Variants in MBP observed in about 807,000 individuals in gnomAD.
The protein encoded by MBP is myelin basic protein, also known as Golli-MBP.
MBP carries 16 observed loss-of-function variants against 35.8 expected under a neutral mutation model. That is an observed-to-expected ratio of 0.45 (90% CI 0.30 to 0.68). MBP has a LOEUF of 0.68. MBP is among the 30% of genes least tolerant of loss of function. The pLI is 0.08. For synonymous variants in MBP, 143 were observed against 159.6 expected, an observed-to-expected ratio of 0.90 and a Z score of 0.78; for missense variants, 380 against 404.7, an observed-to-expected ratio of 0.94 and a Z score of 0.52.
chr18:77,008,422 G>T (rs1442565547), intron 4 of MBP, among the ~76,000 whole-genome samples: 1 of 152,150 alleles, frequency 6.6e-6, no homozygotes, highest in African/African-American at 2.4e-5. Flanking sequence ...CACCAAGAGA[G>T]CCCTCGAAAA....
chr18:77,013,534 A>G, intron 4 of MBP: 1 of 985,462 alleles, frequency 1.0e-6, no homozygotes, highest in African/African-American at 1.7e-5. Context: ...ATTCTGATGA[A>G]TTTACAGGAC....
At position 77,016,093 on chromosome 18, in the gene MBP, A is replaced by C. The variant is rs1044814837; in HGVS notation, c.576+739T>G. ...AGCGCTTTGATGAACCAGCAGCCAC[A>C]GGTTCTCCACTGACAATCAACTGCA... On this transcript the variant is annotated intron_variant, in intron 4 of 8. Coordinates refer to ENST00000355994, the MANE Select transcript of MBP (RefSeq NM_001025101.2). The C allele has an allele frequency of 5.1e-6, 5 of 985,150 alleles. No homozygotes were observed. In the African/African-American group the frequency reaches 8.7e-5, roughly 17 times the overall value. The allele number at this position is 985,150 out of a possible 1,614,324, so 61.0% of individuals were successfully genotyped here.
intron 1 of MBP, among the ~76,000 whole-genome samples, chr18:77,107,211 A>G (rs1976307422): frequency 6.6e-6 from 1 of 152,226 alleles, no homozygotes; most frequent in Non-Finnish European, 1.5e-5. Context: ...AGCTAAACAC[A>G]GGCAAAAACA....
chr18:76,997,885 T>C (rs1970390253), intron 4 of MBP, among the ~76,000 whole-genome samples: 1 of 151,986 alleles, frequency 6.6e-6, no homozygotes, highest in East Asian at 1.9e-4. Context: ...GGTTTCACTG[T>C]GTTAGCCAGG....
At chr18:77,045,042 T>C (rs985545258) in intron 3 of MBP, among the ~76,000 whole-genome samples, 1 of 152,002 alleles carries the variant, frequency 6.6e-6, no homozygotes, top group East Asian at 1.9e-4. Context: ...AGCGGATAGA[T>C]ACGATCTTGA....
chr18:77,105,915 A>G (rs1488488308), intron 1 of MBP, among the ~76,000 whole-genome samples: 1 of 152,224 alleles, frequency 6.6e-6, no homozygotes, highest in African/African-American at 2.4e-5. Flanking sequence ...CAGCACATTT[A>G]TGATTTTTCC....
At chr18:77,065,149 TTGC>T (rs1320631318) in intron 3 of MBP, among the ~76,000 whole-genome samples, 2 of 152,238 alleles carry the variant, frequency 1.3e-5, no homozygotes, top group African/African-American at 4.8e-5. Context: ...TCATTTTCTA[TTGC>T]TATAACTGAA....
rs60600826 is a variant in MBP at position 77,084,431 on chromosome 18, C to CACACACACACACACA, written c.52-18047_52-18046insTGTGTGTGTGTGTGT. Among the ~76,000 whole-genome samples, 925 of 105,954 alleles carry CACACACACACACACA rather than the reference C, an allele frequency of 8.7e-3. 48 individuals are homozygous for CACACACACACACACA. The highest frequency in any genetic ancestry group is 0.012 in the Non-Finnish European group (587 of 50,304). The allele number at this position is 105,954 out of a possible 152,430, so 69.5% of individuals were successfully genotyped here. A position where few individuals can be genotyped will look rare whatever the true frequency, so the allele number is the denominator to read the frequency against. Reference sequence around the variant, plus strand: ...ACACCGCCCCCCCCGCCACACCACACCACACACACACACACACACACACAC... The same window carrying CACACACACACACACA: ...ACACCGCCCCCCCCGCCACACCACACACACACACACACACACACACACACACACACACACACACAC... On this transcript the variant is annotated intron_variant, in intron 2 of 8. Coordinates refer to ENST00000355994, the MANE Select transcript of MBP (RefSeq NM_001025101.2).
At chr18:77,036,061 G>A (rs1272932379) in intron 3 of MBP, among the ~76,000 whole-genome samples, 5 of 152,202 alleles carry the variant, frequency 3.3e-5, no homozygotes, top group African/African-American at 4.8e-5. Context: ...ACATTTTGGA[G>A]ACAGAGCTGA....
At chr18:76,997,053 C>A (rs1970311843) in intron 4 of MBP, among the ~76,000 whole-genome samples, 1 of 152,180 alleles carries the variant, frequency 6.6e-6, no homozygotes, top group Non-Finnish European at 1.5e-5. Flanking sequence ...GAGCGTCCTC[C>A]CCCTCCAAAT....
At chr18:77,130,285 G>A (rs1185539966) in intron 1 of MBP, among the ~76,000 whole-genome samples, 1 of 152,018 alleles carries the variant, frequency 6.6e-6, no homozygotes, top group African/African-American at 2.4e-5. Context: ...TTCTCACCAC[G>A]GCGGTGCAGA....
At chr18:77,048,065 T>C (rs1181149183) in intron 3 of MBP, among the ~76,000 whole-genome samples, 1 of 152,234 alleles carries the variant, frequency 6.6e-6, no homozygotes, top group Non-Finnish European at 1.5e-5. Context: ...AACACTTAAA[T>C]GAGCTAAGTG....
chr18:77,105,119 A>G, intron 2 of MBP, 92 bp downstream of exon 2: 1 of 1,133,288 alleles, frequency 8.8e-7, no homozygotes, highest in South Asian at 1.3e-5. Flanking sequence ...TGTAGCAGCA[A>G]GAGCCCATGC....
chr18:77,013,082 C>T (rs1017242908), intron 4 of MBP: 34 of 985,218 alleles, frequency 3.5e-5, no homozygotes, highest in Non-Finnish European at 4.0e-5. Flanking sequence ...GGGTAGCCTC[C>T]GATCAATAAC....
chr18:77,087,667 G>A (rs1975308438), intron 2 of MBP: 1 of 152,710 alleles, frequency 6.5e-6, no homozygotes, highest in South Asian at 2.1e-4. Flanking sequence ...GAGGAGGGGA[G>A]GGGAGGGGAG....
Position 77,046,442 on chromosome 18 carries a change from G to C in MBP, c.139+19856C>G, listed in dbSNP as rs117801211. Reference sequence around the variant, plus strand: ...TGGCATGGTTCATCCACGGCATGAAGACAGTTAGGCTGAGGCACAGGGAGG... The same window carrying C: ...TGGCATGGTTCATCCACGGCATGAACACAGTTAGGCTGAGGCACAGGGAGG... On this transcript the variant is annotated intron_variant, in intron 3 of 8. Transcript: ENST00000355994. 8.1e-3 allele frequency among the ~76,000 whole-genome samples: 1,227 copies of C among 152,350 alleles called. 12 individuals carry two copies. The highest frequency in any genetic ancestry group is 0.018 in the South Asian group (88 of 4,828).
At chr18:76,990,973 G>A in intron 4 of MBP, 1 of 247,010 alleles carries the variant, frequency 4.0e-6, no homozygotes, top group Non-Finnish European at 8.5e-6. Context: ...GATTCCATCT[G>A]AGATAGGGTC....
At chr18:77,067,602 G>A (rs760235317) in intron 2 of MBP, among the ~76,000 whole-genome samples, 4 of 152,146 alleles carry the variant, frequency 2.6e-5, no homozygotes, top group Non-Finnish European at 4.4e-5. Context: ...AGTCACACTG[G>A]AGCTTTCACT....
Position 77,101,660 on chromosome 18 carries a change from T to C in MBP, c.51+3551A>G, listed in dbSNP as rs1485869417. On this transcript the variant is annotated intron_variant, in intron 2 of 8. Transcript: ENST00000355994. The surrounding 1 kb of genome is among the most constrained non-coding windows in gnomAD (Gnocchi z 4.3). ...ACACTGCAACTCCAGAAAAGTGTCT[T>C]TTTTTCACCAATCAGAGACATTCCA... Among the ~76,000 whole-genome samples, 2 of 152,182 alleles carry C rather than the reference T, an allele frequency of 1.3e-5. No homozygotes were observed. Among genetic ancestry groups the C allele is most frequent in the Admixed American group, 6.5e-5 (1 of 15,280 alleles).
Sources: allele counts gnomAD v4.1 joint callset (sites outside exome capture counted in the v4.1 genomes callset), GRCh38; gene constraint gnomAD v4.1.1; non-coding constraint Gnocchi (gnomAD v3.1); transcripts MANE v1.5; gene names NCBI Gene and HGNC (gene_info 2026-07-23, HGNC 2026-07-21).